PRKG1: variants seen among roughly 807,000 people sequenced by gnomAD.
The protein encoded by PRKG1 is cGMP-dependent protein kinase 1.
Under a neutral mutation model 88.1 loss-of-function variants are expected in PRKG1, and 35 were observed. The observed-to-expected ratio is 0.40, with a 90% CI of 0.30 to 0.53. PRKG1 has a LOEUF of 0.53. PRKG1 is among the 20% of genes least tolerant of loss of function. The pLI is 0.59. For synonymous variants in PRKG1, 303 were observed against 292.5 expected, an observed-to-expected ratio of 1.04 and a Z score of -0.37; for missense variants, 540 against 839.8, an observed-to-expected ratio of 0.64 and a Z score of 4.41.
intron 5 of PRKG1, among the ~76,000 whole-genome samples, chr10:51,964,256 C>G (rs1843515533): frequency 6.6e-6 from 1 of 152,122 alleles, no homozygotes; most frequent in African/African-American, 2.4e-5. Context: ...TCTTCAAAAT[C>G]CCTTTGCCAA....
chr10:51,789,979 G>A (rs1446355721), intron 3 of PRKG1, among the ~76,000 whole-genome samples: 8 of 151,886 alleles, frequency 5.3e-5, no homozygotes, highest in South Asian at 2.1e-4. Context: ...CCACTGCCAC[G>A]CTCAGCTAAT....
At chr10:51,526,660 A>T (rs555984204) in intron 3 of PRKG1, among the ~76,000 whole-genome samples, 5 of 152,158 alleles carry the variant, frequency 3.3e-5, no homozygotes, top group Non-Finnish European at 5.9e-5. Context: ...AAACTTTTTT[A>T]AAAATCTCAT....
At position 52,295,319 on chromosome 10, in the gene PRKG1, A is replaced by G. The variant is rs1441253455; in HGVS notation, c.*1419A>G. ...CTAAGAAAGCAGTACAGAGGAAAACAGGAACCTGATTTTTTTAAAATAAAT... is the reference window on the plus strand; with the variant it reads ...CTAAGAAAGCAGTACAGAGGAAAACGGGAACCTGATTTTTTTAAAATAAAT... On this transcript the variant is annotated 3_prime_UTR_variant, in exon 18 of 18. Transcript: ENST00000373980. 4 of 152,072 alleles carry G rather than the reference A, an allele frequency of 2.6e-5. No individual in the cohort carries two copies. The highest frequency in any genetic ancestry group is 9.7e-5 in the African/African-American group (4 of 41,446). 9.4% of individuals were successfully genotyped at this position (152,072 alleles called of 1,614,324 possible).
At chr10:51,463,719 T>C (rs945504369) in intron 2 of PRKG1, among the ~76,000 whole-genome samples, 3 of 152,160 alleles carry the variant, frequency 2.0e-5, no homozygotes, top group Non-Finnish European at 4.4e-5. Flanking sequence ...ACAAGACGGG[T>C]GAGAGGCCTA....
intron 3 of PRKG1, among the ~76,000 whole-genome samples, chr10:51,738,773 C>A (rs529990311): frequency 2.0e-5 from 3 of 152,066 alleles, no homozygotes; most frequent in African/African-American, 7.2e-5. Flanking sequence ...AACTTCAATC[C>A]CCCCTTTTAA....
chr10:52,189,737 C>T (rs944264874), intron 9 of PRKG1, among the ~76,000 whole-genome samples: 1 of 152,138 alleles, frequency 6.6e-6, no homozygotes, highest in African/African-American at 2.4e-5. Flanking sequence ...GATTTATTTC[C>T]ATTGCCAGTT....
At chr10:51,656,769 T>C (rs1840171047) in intron 3 of PRKG1, among the ~76,000 whole-genome samples, 1 of 152,158 alleles carries the variant, frequency 6.6e-6, no homozygotes, top group Non-Finnish European at 1.5e-5. Context: ...TTCCTCAAGA[T>C]ACTCAGAGCC....
intron 3 of PRKG1, among the ~76,000 whole-genome samples, chr10:51,633,846 C>A (rs901814859): frequency 2.0e-5 from 3 of 152,090 alleles, no homozygotes; most frequent in Non-Finnish European, 2.9e-5. Flanking sequence ...GATCCATAAG[C>A]TATTTGGCCT....
In PRKG1 at chr10:51,945,314, C is replaced by G. The variant is rs1365030836; in HGVS notation, c.762+37744C>G. Among the ~76,000 whole-genome samples the G allele has an allele frequency of 2.6e-5, 4 of 151,384 alleles. No homozygotes were observed. In the East Asian group the frequency reaches 7.8e-4, roughly 30 times the overall value. Reference sequence around the variant, plus strand: ...TTTGTTTTCCATTTGCTTGGTAGATCTTCCTCCATCCTTTTATTTTGAGCC... The same window carrying G: ...TTTGTTTTCCATTTGCTTGGTAGATGTTCCTCCATCCTTTTATTTTGAGCC... On this transcript the variant is annotated intron_variant, in intron 5 of 17. Transcript: ENST00000373980.
intron 8 of PRKG1, among the ~76,000 whole-genome samples, chr10:52,139,731 A>G (rs1192212332): frequency 6.6e-6 from 1 of 152,124 alleles, no homozygotes; most frequent in East Asian, 1.9e-4. Context: ...ACCAAGGTGC[A>G]TACTCAAGGT....
chr10:52,246,089 C>T (rs925825282), intron 9 of PRKG1, among the ~76,000 whole-genome samples: 1 of 151,842 alleles, frequency 6.6e-6, no homozygotes, highest in Non-Finnish European at 1.5e-5. Context: ...ATTTGGTTTC[C>T]AATACATAGG....
chr10:52,048,517 C>T (rs574037637), intron 5 of PRKG1, among the ~76,000 whole-genome samples: 1 of 152,088 alleles, frequency 6.6e-6, no homozygotes, highest in Admixed American at 6.6e-5. Flanking sequence ...CAAGGAGTCA[C>T]CATCAAGGCC....
intron 1 of PRKG1, among the ~76,000 whole-genome samples, chr10:51,126,187 TAA>T (rs1845403836): frequency 8.2e-6 from 1 of 121,804 alleles, no homozygotes; most frequent in East Asian, 2.5e-4. Context: ...TATTTATATA[TAA>T]TTATTTATAT....
intron 9 of PRKG1, among the ~76,000 whole-genome samples, chr10:52,171,147 T>G (rs973115768): frequency 4.9e-5 from 6 of 122,770 alleles, no homozygotes; most frequent in Non-Finnish European, 8.1e-5. Context: ...TTTGGTTTTG[T>G]TTTTTTTTTT....
At chr10:51,711,907 T>G (rs756840875) in intron 3 of PRKG1, among the ~76,000 whole-genome samples, 10 of 152,218 alleles carry the variant, frequency 6.6e-5, no homozygotes, top group Admixed American at 3.3e-4. Flanking sequence ...CTTTTCTCTT[T>G]AAATAGTCTT....
intron 7 of PRKG1, among the ~76,000 whole-genome samples, chr10:52,073,401 G>C (rs565799076): frequency 6.6e-6 from 1 of 152,208 alleles, no homozygotes; most frequent in East Asian, 1.9e-4. Flanking sequence ...CTCCTCAAAG[G>C]CTTGCTCTGG....
At chr10:51,422,200 C>T (rs553483464) in intron 2 of PRKG1, among the ~76,000 whole-genome samples, 1 of 152,174 alleles carries the variant, frequency 6.6e-6, no homozygotes, top group South Asian at 2.1e-4. Context: ...CTGAGTTGTG[C>T]TTGATGTTCA....
chr10:52,202,597 A>G (rs1839705965), intron 9 of PRKG1, among the ~76,000 whole-genome samples: 1 of 151,964 alleles, frequency 6.6e-6, no homozygotes, highest in African/African-American at 2.4e-5. Flanking sequence ...AATAGTTTCC[A>G]CAGGAATGGT....
chr10:52,135,664 A>C (rs1207822949), intron 8 of PRKG1, among the ~76,000 whole-genome samples: 1 of 152,118 alleles, frequency 6.6e-6, no homozygotes, highest in East Asian at 1.9e-4. Context: ...ATGTAAAAGG[A>C]AAGTAGAAAA....
Sources: gnomAD v4.1 joint callset for allele counts (sites outside exome capture counted in the v4.1 genomes callset) on GRCh38, gnomAD v4.1.1 for gene constraint, MANE v1.5 for transcripts, NCBI Gene and HGNC (gene_info 2026-07-23, HGNC 2026-07-21) for gene names.